Variants in HIPK2 observed in about 807,000 individuals in gnomAD.
HIPK2 encodes homeodomain-interacting protein kinase 2.
HIPK2 carries 27 observed loss-of-function variants against 113.7 expected under a neutral mutation model. That is an observed-to-expected ratio of 0.24 (90% confidence interval 0.17 to 0.33). HIPK2 has a LOEUF of 0.33. Among genes scored for constraint, HIPK2 ranks in the 10% least tolerant of loss-of-function variants. HIPK2 has a pLI of 1.00. For missense variants in HIPK2, 1,257 were observed against 1,588.0 expected (o/e 0.79, Z 3.54); for synonymous variants, 631 against 642.2 (o/e 0.98, Z 0.26).
chr7:139,713,485 C>T (rs1048212118), intron 2 of HIPK2, among the ~76,000 whole-genome samples: 2 of 152,126 alleles, frequency 1.3e-5, no homozygotes, highest in African/African-American at 2.4e-5. Flanking sequence ...CACATGGGCA[C>T]CAGAAGGCAA....
In HIPK2 at chr7:139,604,156, G is replaced by A; in HGVS notation, c.2180C>T (p.Ala727Val). The part of the protein sequence containing the change: ...PPAWQQLTGV[A>V]THTSVQHATV... ...GGCATGCTGCACTGATGTGTGGGTG[G>A]CCACTCCAGTCAGTTGCTGCCATGC... Residue 727 changes from alanine to valine, a missense_variant, in exon 10 of 15, where the codon GCC becomes GTC. Coordinates refer to ENST00000406875, the MANE Select transcript of HIPK2 (RefSeq NM_022740.5). 1 of 1,613,914 alleles carries A rather than the reference G, an allele frequency of 6.2e-7. No individual in the cohort carries two copies. Among genetic ancestry groups the A allele is most frequent in the East Asian group, 2.2e-5 (1 of 44,876 alleles).
At chr7:139,597,688 T>G (rs1275798881) in intron 11 of HIPK2, among the ~76,000 whole-genome samples, 1 of 152,246 alleles carries the variant, frequency 6.6e-6, no homozygotes, top group Non-Finnish European at 1.5e-5. Context: ...GTCTAAATTG[T>G]AATAGAAAAT....
chr7:139,703,234 T>C (rs1032332504), intron 2 of HIPK2, among the ~76,000 whole-genome samples: 1 of 152,184 alleles, frequency 6.6e-6, no homozygotes, highest in African/African-American at 2.4e-5. Context: ...TTAGCCCATG[T>C]ATAGATTTGT....
chr7:139,643,753 G>A (rs747702837), intron 2 of HIPK2, among the ~76,000 whole-genome samples: 1 of 152,202 alleles, frequency 6.6e-6, no homozygotes, highest in Non-Finnish European at 1.5e-5. Context: ...ACTATGAATT[G>A]TAATGTCAAT....
At chr7:139,776,879 T>C (rs1302097985) in intron 1 of HIPK2, among the ~76,000 whole-genome samples, 1 of 152,202 alleles carries the variant, frequency 6.6e-6, no homozygotes, top group East Asian at 1.9e-4. Context: ...GTTCTTTTCT[T>C]TCTTGCTAAA....
At chr7:139,668,983 G>T (rs1486335920) in intron 2 of HIPK2, among the ~76,000 whole-genome samples, 38 of 152,220 alleles carry the variant, frequency 2.5e-4, no homozygotes, top group Admixed American at 2.5e-3. Flanking sequence ...TCACGTGGAA[G>T]GATCACTTTA....
chr7:139,709,773 C>A (rs1366622428), intron 2 of HIPK2, among the ~76,000 whole-genome samples: 1 of 152,210 alleles, frequency 6.6e-6, no homozygotes, highest in East Asian at 1.9e-4. Context: ...CCTTTCAGAG[C>A]CTATTTCTTT....
At chr7:139,604,447 T>G (rs147449415) in intron 9 of HIPK2, among the ~76,000 whole-genome samples, 1 of 151,944 alleles carries the variant, frequency 6.6e-6, no homozygotes, top group Admixed American at 6.6e-5. Context: ...TTTGGGAGGC[T>G]GAGGAGAGCG....
At chr7:139,580,307 C>G (rs906072409) in intron 13 of HIPK2, among the ~76,000 whole-genome samples, 3 of 152,072 alleles carry the variant, frequency 2.0e-5, no homozygotes, top group Non-Finnish European at 4.4e-5. Flanking sequence ...ATGAAATGGG[C>G]GTAATGCAGC....
At chr7:139,734,298 G>A (rs748692757) in intron 1 of HIPK2, among the ~76,000 whole-genome samples, 6 of 152,184 alleles carry the variant, frequency 3.9e-5, no homozygotes, top group African/African-American at 9.7e-5. Flanking sequence ...AAGTGTGCAC[G>A]TACTAATCCC....
intron 12 of HIPK2, among the ~76,000 whole-genome samples, chr7:139,591,809 T>C (rs1799034506): frequency 6.6e-6 from 1 of 152,224 alleles, no homozygotes. Context: ...TGTGTCTGGG[T>C]TCCTTTGTTC....
At chr7:139,695,721 T>C (rs1207065957) in intron 2 of HIPK2, among the ~76,000 whole-genome samples, 3 of 151,912 alleles carry the variant, frequency 2.0e-5, no homozygotes, top group African/African-American at 7.2e-5. Flanking sequence ...TTCCAAAATA[T>C]AATCTGCCAA....
At chr7:139,655,598 T>C (rs368992971) in intron 2 of HIPK2, among the ~76,000 whole-genome samples, 15 of 152,274 alleles carry the variant, frequency 9.9e-5, no homozygotes, top group African/African-American at 3.4e-4. Flanking sequence ...TCCTTCTTCC[T>C]TTAAGGTGGC....
At chr7:139,660,764 A>G (rs1801840734) in intron 2 of HIPK2, among the ~76,000 whole-genome samples, 1 of 152,228 alleles carries the variant, frequency 6.6e-6, no homozygotes, top group Non-Finnish European at 1.5e-5. Flanking sequence ...GATACGTAAC[A>G]AGGAAAGAAT....
chr7:139,654,710 T>C (rs1401906446), intron 2 of HIPK2, among the ~76,000 whole-genome samples: 1 of 151,994 alleles, frequency 6.6e-6, no homozygotes, highest in Admixed American at 6.6e-5. Context: ...AAAACTCAGA[T>C]GGGAAGGACA....
At chr7:139,640,460 C>T (rs1800971989) in intron 2 of HIPK2, among the ~76,000 whole-genome samples, 1 of 152,142 alleles carries the variant, frequency 6.6e-6, no homozygotes. Context: ...TGAATCCCAG[C>T]CCTGTCAGGT....
At chr7:139,607,523 C>T (rs1319817815) in intron 9 of HIPK2, among the ~76,000 whole-genome samples, 1 of 152,052 alleles carries the variant, frequency 6.6e-6, no homozygotes, top group Admixed American at 6.6e-5. Context: ...TTTTATAGCT[C>T]TGGAAGGGTT....
intron 1 of HIPK2, among the ~76,000 whole-genome samples, chr7:139,762,238 A>G (rs1458752721): frequency 6.6e-6 from 1 of 152,202 alleles, no homozygotes; most frequent in African/African-American, 2.4e-5. Context: ...CAAATCAAAG[A>G]TTTCTTCCCC....
intron 2 of HIPK2, among the ~76,000 whole-genome samples, chr7:139,670,675 G>A (rs1204534125): frequency 6.6e-6 from 1 of 150,512 alleles, no homozygotes; most frequent in East Asian, 1.9e-4. Flanking sequence ...AAAGGGAGGT[G>A]TGTAGCTACC....
Sources: allele counts gnomAD v4.1 joint callset (sites outside exome capture counted in the v4.1 genomes callset), GRCh38; gene constraint gnomAD v4.1.1; transcripts MANE v1.5; gene names NCBI Gene and HGNC (gene_info 2026-07-23, HGNC 2026-07-21).